The following CFAP47 variants were observed in gnomAD, a reference collection of about 807,000 sequenced individuals.
CFAP47 encodes the protein cilia and flagella associated protein 47, also known as cilia- and flagella-associated protein 47.
CFAP47 carries 29 observed loss-of-function variants against 148.1 expected under a neutral mutation model. That is an observed-to-expected ratio of 0.20 (90% confidence interval 0.15 to 0.27). CFAP47 has a LOEUF of 0.27. Among genes scored for constraint, CFAP47 ranks in the 10% least tolerant of loss-of-function variants. The pLI is 1.00. For synonymous variants in CFAP47, 664 were observed against 577.3 expected (o/e 1.15, Z -2.15); for missense variants, 1,872 against 1,697.5 (o/e 1.10, Z -1.81).
At chrX:35,929,503 G>A (rs1935793568) in intron 2 of CFAP47, among the ~76,000 whole-genome samples, 1 of 111,557 alleles carries the variant, frequency 9.0e-6, no homozygotes, top group Admixed American at 9.5e-5. Flanking sequence ...TGTTGACATT[G>A]TATCCTCTGA....
intron 29 of CFAP47, among the ~76,000 whole-genome samples, chrX:36,083,112 G>A (rs1320412103): frequency 9.0e-6 from 1 of 110,644 alleles, no homozygotes; most frequent in African/African-American, 3.3e-5. Context: ...ATTTTCAAGA[G>A]AGCACTTTTC....
intron 6 of CFAP47, among the ~76,000 whole-genome samples, chrX:35,952,636 G>T (rs1448427209): frequency 2.7e-5 from 3 of 111,662 alleles, no homozygotes; most frequent in African/African-American, 9.8e-5. Context: ...CTTGTTTGTG[G>T]AACAGGGTTG....
intron 37 of CFAP47, among the ~76,000 whole-genome samples, chrX:36,150,727 C>G (rs1353523001): frequency 9.0e-6 from 1 of 111,119 alleles, no homozygotes; most frequent in African/African-American, 3.3e-5. Context: ...TCAGTTATTA[C>G]TCCATGCTAA....
At chrX:36,153,710 C>G (rs1260320669) in intron 37 of CFAP47, among the ~76,000 whole-genome samples, 1 of 112,273 alleles carries the variant, frequency 8.9e-6, no homozygotes, top group Non-Finnish European at 1.9e-5. Flanking sequence ...GGAAATGGTA[C>G]TACATGGATG....
intron 1 of CFAP47, among the ~76,000 whole-genome samples, chrX:35,924,341 A>T (rs1338879999): frequency 9.4e-6 from 1 of 106,071 alleles, no homozygotes; most frequent in Non-Finnish European, 1.9e-5. Flanking sequence ...GTGTACATAT[A>T]TGTGTGCATA....
chrX:36,152,582 C>G (rs1282490018), intron 37 of CFAP47, among the ~76,000 whole-genome samples: 1 of 111,037 alleles, frequency 9.0e-6, no homozygotes, highest in African/African-American at 3.3e-5. Flanking sequence ...TAAGTAGCAC[C>G]CACTGTGTGG....
In CFAP47 at chrX:36,214,545, T is replaced by C. The variant is rs1290837762; in HGVS notation, c.6817+9435T>C. ...ACTTGTTGACTCTTGTAATAAAACT[T>C]AGCTAAAACATATGTAGCTGTACAA... On this transcript the variant is annotated intron_variant, in intron 45 of 63. Coordinates refer to ENST00000378653, the MANE Select transcript of CFAP47 (RefSeq NM_001304548.2). 2.7e-5 allele frequency among the ~76,000 whole-genome samples: 3 copies of C among 112,113 alleles called. No individual in the cohort carries two copies. In the East Asian group the frequency reaches 8.3e-4, roughly 31 times the overall value.
chrX:36,042,087 G>T (rs1342275632), intron 25 of CFAP47, among the ~76,000 whole-genome samples: 1 of 110,910 alleles, frequency 9.0e-6, no homozygotes, highest in Non-Finnish European at 1.9e-5. Flanking sequence ...GAGAATAAAG[G>T]TATGTGATAT....
intron 5 of CFAP47, 134 bp from the exon 6 acceptor site, chrX:35,951,669 G>T: frequency 1.4e-6 from 1 of 731,692 alleles, no homozygotes; most frequent in Non-Finnish European, 1.8e-6. Context: ...TCAAATTTAT[G>T]TGTAAATGTT....
At chrX:36,250,887 G>A (rs910007946) in intron 48 of CFAP47, among the ~76,000 whole-genome samples, 2 of 110,716 alleles carry the variant, frequency 1.8e-5, no homozygotes, top group African/African-American at 6.5e-5. Flanking sequence ...TGAAAGTTGG[G>A]TTTAGCCAGG....
intron 38 of CFAP47, 129 bp from the exon 39 acceptor site, chrX:36,160,552 T>C (rs1403785491): frequency 1.1e-5 from 3 of 263,053 alleles, no homozygotes; most frequent in Non-Finnish European, 1.3e-5. Flanking sequence ...GAATTTCTTT[T>C]GATAGTGGGA....
intron 58 of CFAP47, among the ~76,000 whole-genome samples, chrX:36,349,703 AG>A (rs1466007044): frequency 1.8e-5 from 2 of 111,694 alleles, no homozygotes; most frequent in Non-Finnish European, 3.8e-5. Context: ...ACTTCATGGC[AG>A]TTTTTGTTTT....
At chrX:36,361,562 G>T in intron 61 of CFAP47, 61 bp downstream of exon 61, 1 of 459,257 alleles carries the variant, frequency 2.2e-6, no homozygotes. Flanking sequence ...ATGTATTAAT[G>T]TTGATTTCTC....
intron 23 of CFAP47, among the ~76,000 whole-genome samples, chrX:36,032,589 A>G (rs919898300): frequency 9.0e-6 from 1 of 111,375 alleles, no homozygotes; most frequent in African/African-American, 3.3e-5. Flanking sequence ...AATTTTAAAA[A>G]ATATGAATAT....
intron 39 of CFAP47, among the ~76,000 whole-genome samples, chrX:36,172,155 T>C (rs1447981566): frequency 6.8e-5 from 7 of 102,925 alleles, no homozygotes; most frequent in Non-Finnish European, 1.4e-4. Flanking sequence ...TTTTGTATCC[T>C]GAGACTTTGC....
intron 49 of CFAP47, among the ~76,000 whole-genome samples, chrX:36,254,810 T>A (rs782026947): frequency 9.0e-6 from 1 of 111,466 alleles, no homozygotes; most frequent in African/African-American, 3.3e-5. Context: ...GTTGGAGTAC[T>A]TATCTGTTAA....
intron 26 of CFAP47, among the ~76,000 whole-genome samples, chrX:36,065,175 T>G (rs1362093781): frequency 9.0e-6 from 1 of 111,442 alleles, no homozygotes; most frequent in African/African-American, 3.3e-5. Context: ...GGGTTCAGAT[T>G]GTAGGTTTTC....
chrX:36,213,096 TA>T (rs1940120763), intron 45 of CFAP47, among the ~76,000 whole-genome samples: 1 of 111,426 alleles, frequency 9.0e-6, no homozygotes, highest in South Asian at 3.8e-4. Flanking sequence ...TGAGGTATGG[TA>T]ACCTCCAACT....
At chrX:36,055,989 C>T (rs1937551748) in intron 26 of CFAP47, among the ~76,000 whole-genome samples, 1 of 108,016 alleles carries the variant, frequency 9.3e-6, no homozygotes, top group East Asian at 3.1e-4. Flanking sequence ...ATGTCCTTTG[C>T]CCATTTTTTA....
Sources: allele counts gnomAD v4.1 joint callset (sites outside exome capture counted in the v4.1 genomes callset), GRCh38; gene constraint gnomAD v4.1.1; transcripts MANE v1.5; gene names NCBI Gene and HGNC (gene_info 2026-07-23, HGNC 2026-07-21).